PTPRK: variants seen among roughly 807,000 people sequenced by gnomAD.
PTPRK encodes receptor-type tyrosine-protein phosphatase kappa.
PTPRK carries 75 observed loss-of-function variants against 178.0 expected under a neutral mutation model. That is an observed-to-expected ratio of 0.42 (90% confidence interval 0.35 to 0.51). The LOEUF is 0.51. Ranked by LOEUF, PTPRK falls within the 20% of genes least tolerant of loss-of-function variation. The pLI is 0.02. For missense variants in PTPRK, 1,441 were observed against 1,797.8 expected (o/e 0.80, Z 3.59); for synonymous variants, 637 against 620.6 (o/e 1.03, Z -0.39).
At chr6:128,043,225 T>C (rs890330616) in intron 13 of PTPRK, among the ~76,000 whole-genome samples, 1 of 152,060 alleles carries the variant, frequency 6.6e-6, no homozygotes, top group African/African-American at 2.4e-5. Flanking sequence ...CTTGTTGATA[T>C]GAAAATAGGG....
chr6:128,062,466 A>T (rs1353091623), intron 13 of PTPRK: 1 of 167,028 alleles, frequency 6.0e-6, no homozygotes, highest in Non-Finnish European at 1.5e-5. Context: ...CAGGGCAGAA[A>T]CATTAAAAAA....
chr6:128,431,969 AAAGGAAGG>A (rs142002214), intron 1 of PTPRK, among the ~76,000 whole-genome samples: 2 of 152,090 alleles, frequency 1.3e-5, no homozygotes, highest in South Asian at 2.1e-4. Flanking sequence ...CCCAATGCAA[AAAGGAAGG>A]AAGGAAGGAA....
At chr6:128,232,812 C>T (rs112940784) in intron 5 of PTPRK, among the ~76,000 whole-genome samples, 2 of 152,282 alleles carry the variant, frequency 1.3e-5, no homozygotes, top group South Asian at 2.1e-4. Flanking sequence ...AGTGTGTCAG[C>T]CATTCTTAAA....
At chr6:128,127,555 T>C (rs893763333) in intron 7 of PTPRK, among the ~76,000 whole-genome samples, 4 of 152,234 alleles carry the variant, frequency 2.6e-5, no homozygotes, top group African/African-American at 7.2e-5. Context: ...TGCAATGTCT[T>C]GTCCTGCTTA....
chr6:128,464,694 C>A (rs1174741431), intron 1 of PTPRK, among the ~76,000 whole-genome samples: 3 of 98,860 alleles, frequency 3.0e-5, no homozygotes, highest in African/African-American at 7.5e-5. Context: ...GGTCACACAA[C>A]AGCTCCAGCA....
rs1471637999 is a variant in PTPRK, at chr6:128,291,352, C to A, written c.495+30687G>T. Among the ~76,000 whole-genome samples, 3 of 152,076 alleles carry A rather than the reference C, an allele frequency of 2.0e-5. No homozygotes were observed. The East Asian group carries it at 5.8e-4, about 29-fold the overall frequency. The stretch of plus-strand genomic sequence containing the variant: ...AAAGGGAACACATTCCTGCCAACAC[C>A]TTGATTTTAGACCAATGAGACCCAT... On this transcript the variant is annotated intron_variant, in intron 3 of 29. Coordinates refer to ENST00000368226, the MANE Select transcript of PTPRK (RefSeq NM_002844.4).
Position 128,418,142 on chromosome 6 carries a change from T to C in PTPRK, c.101-20454A>G, listed in dbSNP as rs533045175. Among the ~76,000 whole-genome samples the C allele has an allele frequency of 7.7e-4, 118 of 152,372 alleles. 1 individual carries two copies. Among genetic ancestry groups the C allele is most frequent in the Non-Finnish European group, 1.4e-3 (98 of 68,044 alleles). Reference sequence around the variant, plus strand: ...TCCATTTATTACAAAGGTCTAACCATCTAAAATCCATTAGGTGTTAATTTT... The same window carrying C: ...TCCATTTATTACAAAGGTCTAACCACCTAAAATCCATTAGGTGTTAATTTT... On this transcript the variant is annotated intron_variant, in intron 1 of 29. Transcript: ENST00000368226.
At chr6:128,213,619 C>T (rs965206274) in intron 6 of PTPRK, among the ~76,000 whole-genome samples, 9 of 151,910 alleles carry the variant, frequency 5.9e-5, no homozygotes, top group Non-Finnish European at 1.3e-4. Context: ...AATTCATGAG[C>T]CTAAAAGCTG....
chr6:128,316,428 A>G (rs1449434088), intron 3 of PTPRK, among the ~76,000 whole-genome samples: 4 of 152,206 alleles, frequency 2.6e-5, no homozygotes, highest in Non-Finnish European at 5.9e-5. Flanking sequence ...AATATTTCTC[A>G]AAAGAAACAA....
intron 7 of PTPRK, among the ~76,000 whole-genome samples, chr6:128,107,526 T>C (rs922962081): frequency 2.0e-5 from 3 of 152,150 alleles, no homozygotes; most frequent in Non-Finnish European, 4.4e-5. Context: ...GAGAAATAAA[T>C]TGTATTTCTT....
intron 3 of PTPRK, among the ~76,000 whole-genome samples, chr6:128,287,682 C>G (rs1158984441): frequency 1.3e-5 from 2 of 152,166 alleles, no homozygotes; most frequent in Non-Finnish European, 2.9e-5. Context: ...CTAAAAACCT[C>G]TGTGCATCCT....
At chr6:128,289,856 T>G (rs2128306349) in intron 3 of PTPRK, among the ~76,000 whole-genome samples, 1 of 152,246 alleles carries the variant, frequency 6.6e-6, no homozygotes, top group Middle Eastern at 3.4e-3. Context: ...TCAAACAATA[T>G]TATTAATTTA....
chr6:128,125,792 T>C (rs1793266287), intron 7 of PTPRK, among the ~76,000 whole-genome samples: 1 of 151,746 alleles, frequency 6.6e-6, no homozygotes, highest in South Asian at 2.1e-4. Context: ...GTATTTTTAG[T>C]AGAGACAGGG....
At chr6:128,024,815 CA>C (rs1774046910) in intron 13 of PTPRK, among the ~76,000 whole-genome samples, 1 of 151,960 alleles carries the variant, frequency 6.6e-6, no homozygotes, top group Non-Finnish European at 1.5e-5. Context: ...TTTTCAAAAA[CA>C]AAAACAACAA....
chr6:128,029,903 T>C (rs912290371), intron 13 of PTPRK, among the ~76,000 whole-genome samples: 1 of 151,960 alleles, frequency 6.6e-6, no homozygotes, highest in African/African-American at 2.4e-5. Flanking sequence ...AAGACAAGGA[T>C]TTGGATGCAC....
At position 127,969,983 on chromosome 6, in the gene PTPRK, G is replaced by C; in HGVS notation, c.*244C>G. ...ACCAATACGTTCTCATTTCAATCTG[G>C]TTCTTATTAAATATAATTTATGTGG... On this transcript the variant is annotated 3_prime_UTR_variant, in exon 30 of 30. Transcript: ENST00000368226. The C allele has an allele frequency of 2.5e-6, 1 of 397,068 alleles. No homozygotes were observed. Among genetic ancestry groups the C allele is most frequent in the Non-Finnish European group, 4.5e-6 (1 of 223,678 alleles). The allele number at this position is 397,068 out of a possible 1,614,324, so 24.6% of individuals were successfully genotyped here.
intron 1 of PTPRK, among the ~76,000 whole-genome samples, chr6:128,452,125 C>G (rs1847869254): frequency 1.3e-5 from 2 of 152,158 alleles, no homozygotes; most frequent in South Asian, 4.1e-4. Context: ...CCTAAAGTCT[C>G]CAGCACTGTT....
chr6:128,463,998 G>A (rs1484227656), intron 1 of PTPRK, among the ~76,000 whole-genome samples: 2 of 151,574 alleles, frequency 1.3e-5, no homozygotes, highest in African/African-American at 2.4e-5. Context: ...CAGGCGATCT[G>A]CCTGCCTCAG....
chr6:128,184,326 G>T, intron 7 of PTPRK, 106 bp downstream of exon 7: 1 of 1,117,944 alleles, frequency 8.9e-7, no homozygotes, highest in South Asian at 1.6e-5. Context: ...TTAATAGTGT[G>T]ACTATATCAT....
Sources: gnomAD v4.1 joint callset for allele counts (sites outside exome capture counted in the v4.1 genomes callset) on GRCh38, gnomAD v4.1.1 for gene constraint, MANE v1.5 for transcripts, NCBI Gene and HGNC (gene_info 2026-07-23, HGNC 2026-07-21) for gene names.